Variants in RAB3IL1 observed in about 807,000 individuals in gnomAD.
RAB3IL1 encodes the protein RAB3A interacting protein like 1.
A neutral mutation model predicts 49.2 loss-of-function variants in RAB3IL1; 37 were observed. The observed-to-expected ratio is 0.75, with a 90% confidence interval of 0.58 to 0.99. RAB3IL1 has a LOEUF of 0.99. Among genes scored for constraint, RAB3IL1 ranks in the 50% least tolerant of loss-of-function variants. The pLI is 0.00. For missense variants in RAB3IL1, 484 were observed against 513.0 expected, an observed-to-expected ratio of 0.94 and a Z score of 0.55; for synonymous variants, 193 against 213.9, an observed-to-expected ratio of 0.90 and a Z score of 0.85.
At chr11:61,925,840 C>A in the RAB3IL1 span, among the ~76,000 whole-genome samples, 1 of 151,878 alleles carries the variant, frequency 6.6e-6, no homozygotes, top group Non-Finnish European at 1.5e-5. Context: ...GCCTTGGAGG[C>A]GAGTTAAAGA....
chr11:61,919,939 A>G, upstream of RAB3IL1: 1 of 764,102 alleles, frequency 1.3e-6, no homozygotes, highest in Non-Finnish European at 1.8e-6. Flanking sequence ...CAAGACAATC[A>G]GAGCCATTGC....
In RAB3IL1 at chr11:61,917,544, C is replaced by G. The variant is rs1188757901; in HGVS notation, c.-177G>C. ...GGGCTCGCGGCCCCCAGCCCAGCCC[C>G]GACCCTGCCCTGGGCGGGTCACGTG... On this transcript the variant is annotated 5_prime_UTR_variant, in exon 1 of 10. Coordinates refer to ENST00000394836, the MANE Select transcript of RAB3IL1 (RefSeq NM_013401.4). The G allele has an allele frequency of 1.8e-6, 2 of 1,106,896 alleles. No homozygotes were observed. The highest frequency in any genetic ancestry group is 2.2e-6 in the Non-Finnish European group (2 of 909,606). The allele number at this position is 1,106,896 out of a possible 1,614,324, so 68.6% of individuals were successfully genotyped here. A position where few individuals can be genotyped will look rare whatever the true frequency, so the allele number is the denominator to read the frequency against.
At chr11:61,942,977 C>T in the RAB3IL1 span, among the ~76,000 whole-genome samples, 1 of 152,314 alleles carries the variant, frequency 6.6e-6, no homozygotes, top group Non-Finnish European at 1.5e-5. Flanking sequence ...AAAATTCCAA[C>T]TGCGTTTTTT....
intron 7 of RAB3IL1, 73 bp downstream of exon 7, chr11:61,904,473 C>CT: frequency 1.4e-6 from 2 of 1,418,792 alleles, no homozygotes; most frequent in Non-Finnish European, 2.0e-6. Context: ...CTGACCACCC[C>CT]TCGGCACAGT....
rs1591218067 is a variant in RAB3IL1, at chr11:61,902,358, T to G, written c.999+84A>C. The stretch of plus-strand genomic sequence containing the variant: ...TAAGTAAATCAAGGTGTAGTGCTAT[T>G]CATACTCCCAGGCCCAGGGCCCAGT... On this transcript the variant is annotated intron_variant, in intron 8 of 9. Transcript: ENST00000394836. 6 of 1,160,082 alleles carry G rather than the reference T, an allele frequency of 5.2e-6. No individual in the cohort carries two copies. In the East Asian group the frequency reaches 1.5e-4, roughly 30 times the overall value. 71.9% of individuals were successfully genotyped at this position (1,160,082 alleles called of 1,614,324 possible). A position where few individuals can be genotyped will look rare whatever the true frequency, so the allele number is the denominator to read the frequency against.
the RAB3IL1 span, among the ~76,000 whole-genome samples, chr11:61,927,925 C>T: frequency 2.0e-4 from 30 of 152,142 alleles, no homozygotes; most frequent in Admixed American, 1.8e-3. Context: ...AATTACCCAG[C>T]GTTGAGTAGT....
chr11:61,898,851 C>T lies in RAB3IL1; in HGVS notation c.1066+463G>A, dbSNP rs868506468. On this transcript the variant is annotated intron_variant, in intron 9 of 9. Transcript: ENST00000394836. The surrounding 1 kb of genome is among the most constrained non-coding windows in gnomAD (Gnocchi z 5.1). ...GGAGATAGCTCCTTACTCAGAGGGT[C>T]GGGCCAGACTGGTTCAGGAGAAGAC... The T allele has an allele frequency of 7.5e-5, 35 of 466,248 alleles. No homozygotes were observed. The highest frequency in any genetic ancestry group is 6.3e-4 in the African/African-American group (32 of 50,546). 28.9% of individuals were successfully genotyped at this position (466,248 alleles called of 1,614,324 possible).
intron 1 of RAB3IL1, among the ~76,000 whole-genome samples, chr11:61,909,443 A>T (rs914454346): frequency 1.3e-5 from 2 of 152,278 alleles, no homozygotes; most frequent in African/African-American, 4.8e-5. Context: ...ATGGGCCCCC[A>T]GAGACTCCTG....
Position 61,898,460 on chromosome 11 carries a change from C to A in RAB3IL1, c.1067-100G>T. ...GTGGCTTTGGACAGAGCAGCTGGCACAGCACCCTAGGGTCCCCGGCCCCCA... is the reference window on the plus strand; with the variant it reads ...GTGGCTTTGGACAGAGCAGCTGGCAAAGCACCCTAGGGTCCCCGGCCCCCA... On this transcript the variant is annotated intron_variant, in intron 9 of 9. Transcript: ENST00000394836. The surrounding 1 kb of genome is among the most constrained non-coding windows in gnomAD (Gnocchi z 5.1). 1.0e-6 allele frequency: 1 copy of A among 1,003,158 alleles called. No homozygotes were observed. The highest frequency in any genetic ancestry group is 1.6e-6 in the Non-Finnish European group (1 of 644,776). 62.1% of individuals were successfully genotyped at this position (1,003,158 alleles called of 1,614,324 possible).
chr11:61,899,428 G>T, intron 8 of RAB3IL1, 48 bp from the exon 9 acceptor site: 1 of 1,571,326 alleles, frequency 6.4e-7, no homozygotes, highest in Non-Finnish European at 8.7e-7. Context: ...CCACGCTGGG[G>T]GTCCCCTGAC....
At chr11:61,940,528 T>C in the RAB3IL1 span, among the ~76,000 whole-genome samples, 5 of 152,178 alleles carry the variant, frequency 3.3e-5, no homozygotes, top group Non-Finnish European at 7.4e-5. Context: ...TGGTTATGCC[T>C]GTAATCCTGG....
chr11:61,931,024 C>T, the RAB3IL1 span, among the ~76,000 whole-genome samples: 1 of 152,124 alleles, frequency 6.6e-6, no homozygotes, highest in Non-Finnish European at 1.5e-5. Flanking sequence ...CTCTGAACTA[C>T]GGCTACATCA....
In RAB3IL1 at chr11:61,908,098, T is replaced by C; in HGVS notation, c.220A>G (p.Lys74Glu). The C allele has an allele frequency of 1.2e-6, 2 of 1,610,932 alleles. No homozygotes were observed. Among genetic ancestry groups the C allele is most frequent in the Non-Finnish European group, 1.7e-6 (2 of 1,179,494 alleles). Residue 74 changes from lysine (K) to glutamate (E), a missense_variant, in exon 2 of 10, where the codon AAG (lysine) becomes GAG (glutamate). Physicochemically the swap from Lys to Glu is moderately conservative, Grantham distance 56. Coordinates refer to ENST00000394836, the MANE Select transcript of RAB3IL1 (RefSeq NM_013401.4). ...LRSSSMEIRE[K>E]GSEFLKEELH... ...TCCTCCTTCAGGAACTCGGAGCCCT[T>C]CTCTCGGATCTCCATGGAAGAGCTG...
At position 61,907,664 on chromosome 11, in the gene RAB3IL1, G is replaced by A. The variant is rs760981080; in HGVS notation, c.265-4C>T. The A allele has an allele frequency of 2.5e-6, 4 of 1,613,826 alleles. No individual in the cohort carries two copies. In the South Asian group the frequency reaches 4.4e-5, roughly 18 times the overall value. ...CCTCGTCCTTTAGCTTCAGCTCCTGGAGGAAAAGAGGCAGGCACTTGAGCA... is the reference window on the plus strand; with the variant it reads ...CCTCGTCCTTTAGCTTCAGCTCCTGAAGGAAAAGAGGCAGGCACTTGAGCA... On this transcript the variant is annotated splice_region_variant and splice_polypyrimidine_tract_variant and intron_variant, in intron 2 of 9. Transcript: ENST00000394836.
At chr11:61,922,286 C>T (rs187089500), upstream of RAB3IL1, among the ~76,000 whole-genome samples, 1,124 of 152,122 alleles carry the variant, frequency 7.4e-3, 7 homozygotes, top group Middle Eastern at 0.021. Context: ...TTTAGGAGGC[C>T]GAGGCGAGTG....
the RAB3IL1 span, among the ~76,000 whole-genome samples, chr11:61,934,355 T>C: frequency 0.071 from 6,235 of 87,940 alleles, 462 homozygotes; most frequent in South Asian, 0.42. Flanking sequence ...CACACACATA[T>C]GTATATATAT....
chr11:61,914,113 C>T (rs370657122), intron 1 of RAB3IL1, among the ~76,000 whole-genome samples: 31 of 152,320 alleles, frequency 2.0e-4, no homozygotes, highest in African/African-American at 6.7e-4. Flanking sequence ...TCTTGTCTCA[C>T]GGCCTCTAGT....
chr11:61,901,119 T>C (rs1938891079), intron 8 of RAB3IL1, among the ~76,000 whole-genome samples: 1 of 152,116 alleles, frequency 6.6e-6, no homozygotes. Context: ...AAGGACAGTA[T>C]AGTCTGCTGC....
intron 7 of RAB3IL1, among the ~76,000 whole-genome samples, chr11:61,902,820 A>G (rs1938988511): frequency 6.6e-6 from 1 of 152,166 alleles, no homozygotes; most frequent in Non-Finnish European, 1.5e-5. Context: ...CCAGGTGTAC[A>G]AAGTCCCACC....
Sources: allele counts gnomAD v4.1 joint callset (sites outside exome capture counted in the v4.1 genomes callset), GRCh38; gene constraint gnomAD v4.1.1; non-coding constraint Gnocchi (gnomAD v3.1); transcripts MANE v1.5; gene names NCBI Gene and HGNC (gene_info 2026-07-23, HGNC 2026-07-21).